The following RBFOX1 variants were observed in gnomAD, a reference collection of about 807,000 sequenced individuals.
RBFOX1 encodes RNA binding protein fox-1 homolog 1.
Under a neutral mutation model 57.7 loss-of-function variants are expected in RBFOX1, and 8 were observed. The ratio of observed to expected loss-of-function variants is 0.14; its 90% confidence interval spans 0.08 to 0.25. The LOEUF (loss-of-function observed/expected upper bound fraction) is 0.25. RBFOX1 is among the 10% of genes least tolerant of loss of function. The pLI is 1.00. For synonymous variants in RBFOX1, 326 were observed against 222.4 expected (o/e 1.47, Z -4.15); for missense variants, 611 against 548.5 (o/e 1.11, Z -1.14).
At chr16:5,427,989 C>A (rs2067614285) in intron 1 of RBFOX1, among the ~76,000 whole-genome samples, 1 of 152,202 alleles carries the variant, frequency 6.6e-6, no homozygotes, top group Admixed American at 6.5e-5. Flanking sequence ...GCCATCCACA[C>A]TGACATTGTG....
intron 1 of RBFOX1, among the ~76,000 whole-genome samples, chr16:5,457,089 G>C (rs369516855): frequency 6.6e-6 from 1 of 152,258 alleles, no homozygotes; most frequent in Non-Finnish European, 1.5e-5. Context: ...GTGGATGGCT[G>C]TCTTCTCACT....
intron 14 of RBFOX1, among the ~76,000 whole-genome samples, chr16:7,700,669 G>A (rs1326730988): frequency 6.6e-6 from 1 of 152,218 alleles, no homozygotes; most frequent in Non-Finnish European, 1.5e-5. Context: ...GCATTAAAGA[G>A]AATGTGCCTA....
At chr16:7,313,120 C>T (rs904248034) in intron 4 of RBFOX1, among the ~76,000 whole-genome samples, 4 of 152,138 alleles carry the variant, frequency 2.6e-5, no homozygotes, top group African/African-American at 7.2e-5. Context: ...TCATCCGGGC[C>T]ACTCCTGGAA....
At chr16:7,473,916 C>G (rs545993640) in intron 4 of RBFOX1, among the ~76,000 whole-genome samples, 10 of 152,282 alleles carry the variant, frequency 6.6e-5, no homozygotes, top group African/African-American at 1.7e-4. Context: ...TAACCTCCCT[C>G]AAGCACCTTT....
chr16:7,388,582 G>T (rs2097923679), intron 4 of RBFOX1, among the ~76,000 whole-genome samples: 1 of 151,222 alleles, frequency 6.6e-6, no homozygotes, highest in South Asian at 2.1e-4. Context: ...TATGGTTCTA[G>T]GGAGGACAAC....
intron 4 of RBFOX1, among the ~76,000 whole-genome samples, chr16:5,902,062 T>C (rs1263858885): frequency 1.3e-5 from 2 of 152,210 alleles, no homozygotes; most frequent in African/African-American, 4.8e-5. Context: ...TCAATGCATG[T>C]TTCTTGAATG....
chr16:5,746,377 C>G (rs1597078811), intron 3 of RBFOX1, among the ~76,000 whole-genome samples: 1 of 152,322 alleles, frequency 6.6e-6, no homozygotes. Context: ...TAGCATGATG[C>G]TTCCAGCTTT....
At chr16:6,600,914 C>T (rs1050602883) in intron 2 of RBFOX1, among the ~76,000 whole-genome samples, 2 of 152,106 alleles carry the variant, frequency 1.3e-5, no homozygotes, top group Non-Finnish European at 1.5e-5. Context: ...TATGACTAAA[C>T]AAAGTCCCTC....
At chr16:5,795,633 C>G (rs1019041424) in intron 3 of RBFOX1, among the ~76,000 whole-genome samples, 2 of 152,152 alleles carry the variant, frequency 1.3e-5, no homozygotes, top group African/African-American at 4.8e-5. Context: ...ATTCTTTCCC[C>G]TCCTTACCCC....
At chr16:7,288,667 G>T (rs574595788) in intron 4 of RBFOX1, among the ~76,000 whole-genome samples, 6 of 152,170 alleles carry the variant, frequency 3.9e-5, no homozygotes, top group South Asian at 2.1e-4. Context: ...ATGGTGAAAT[G>T]CCATCTCTAC....
At chr16:7,340,231 C>T (rs2096867468) in intron 4 of RBFOX1, among the ~76,000 whole-genome samples, 2 of 152,190 alleles carry the variant, frequency 1.3e-5, no homozygotes, top group Non-Finnish European at 2.9e-5. Context: ...TTATCAACAA[C>T]AATTATAGTT....
intron 4 of RBFOX1, among the ~76,000 whole-genome samples, chr16:5,935,230 A>G (rs187766468): frequency 6.6e-6 from 1 of 152,342 alleles, no homozygotes; most frequent in East Asian, 1.9e-4. Flanking sequence ...AGCTATAGTG[A>G]GGTTAACAGA....
rs772743768 is a variant in RBFOX1, at chr16:6,931,872, G to T, written c.-15-120185G>T. On this transcript the variant is annotated intron_variant, in intron 3 of 15. Transcript: ENST00000550418. ...GGCACTGGTATCTGACGAGGGCGTGGTATAAGGCATCACATGGCAAGAGCG... is the reference window on the plus strand; with the variant it reads ...GGCACTGGTATCTGACGAGGGCGTGTTATAAGGCATCACATGGCAAGAGCG... 7.9e-4 allele frequency among the ~76,000 whole-genome samples: 121 copies of T among 152,290 alleles called. 1 individual carries two copies. The highest frequency in any genetic ancestry group is 2.5e-3 in the African/African-American group (102 of 41,566).
rs1348451024 is a variant in RBFOX1, at chr16:6,952,155, TTGTGAAGGCTCTA to T, written c.-15-99897_-15-99885del. Among the ~76,000 whole-genome samples the T allele has an allele frequency of 2.6e-5, 4 of 152,316 alleles. No homozygotes were observed. In the East Asian group the frequency reaches 5.8e-4, roughly 22 times the overall value. Reference sequence around the variant, plus strand: ...AAGTGCTTCGCAGAGCACATAGTCGTTGTGAAGGCTCTATGTGGCACTCTGAGAGAAGGAATCC... The same window carrying T: ...AAGTGCTTCGCAGAGCACATAGTCGTTGTGGCACTCTGAGAGAAGGAATCC... On this transcript the variant is annotated intron_variant, in intron 3 of 15. Transcript: ENST00000550418.
At chr16:6,707,567 T>G (rs1407560192) in intron 3 of RBFOX1, among the ~76,000 whole-genome samples, 30 of 149,298 alleles carry the variant, frequency 2.0e-4, no homozygotes, top group Non-Finnish European at 1.5e-5. Context: ...TTCCTTAGAA[T>G]CAACCCCAAG....
At chr16:7,669,371 A>C (rs1843981095) in intron 13 of RBFOX1, among the ~76,000 whole-genome samples, 2 of 152,350 alleles carry the variant, frequency 1.3e-5, no homozygotes, top group South Asian at 4.1e-4. Flanking sequence ...AGAGGGAGAG[A>C]AAGAAATTAT....
chr16:6,811,066 C>T (rs923445426), intron 3 of RBFOX1, among the ~76,000 whole-genome samples: 4 of 152,164 alleles, frequency 2.6e-5, no homozygotes, highest in African/African-American at 7.2e-5. Context: ...GAAAAACACA[C>T]CTGGGTATTT....
intron 5 of RBFOX1, among the ~76,000 whole-genome samples, chr16:7,528,600 G>C (rs1159790569): frequency 2.6e-5 from 4 of 152,112 alleles, no homozygotes; most frequent in Non-Finnish European, 5.9e-5. Context: ...TGCCTCAATA[G>C]CAGGGTACTG....
intron 3 of RBFOX1, among the ~76,000 whole-genome samples, chr16:6,826,683 G>C (rs2154281453): frequency 6.6e-6 from 1 of 152,098 alleles, no homozygotes; most frequent in East Asian, 1.9e-4. Context: ...AAGAGCTCAG[G>C]AGAGAGGACT....
Sources: gnomAD v4.1 joint callset for allele counts (sites outside exome capture counted in the v4.1 genomes callset) on GRCh38, gnomAD v4.1.1 for gene constraint, MANE v1.5 for transcripts, NCBI Gene and HGNC (gene_info 2026-07-23, HGNC 2026-07-21) for gene names.